AGBL1: variants seen among roughly 807,000 people sequenced by gnomAD.
AGBL1 encodes the protein AGBL carboxypeptidase 1.
A neutral mutation model predicts 118.9 loss-of-function variants in AGBL1; 130 were observed. That is an observed-to-expected ratio of 1.09 (90% CI 0.95 to 1.26). AGBL1 has a LOEUF of 1.26. Among genes scored for constraint, AGBL1 ranks in the 50% most tolerant of loss-of-function variants. The probability of loss-of-function intolerance (pLI) is 0.00; values close to 1 mark genes in which losing one functional copy is unlikely to be tolerated. For synonymous variants in AGBL1, 555 were observed against 478.9 expected, an observed-to-expected ratio of 1.16 and a Z score of -2.08; for missense variants, 1,584 against 1,298.1, an observed-to-expected ratio of 1.22 and a Z score of -3.38.
intron 22 of AGBL1, among the ~76,000 whole-genome samples, chr15:86,860,057 A>C (rs1025875088): frequency 1.3e-5 from 2 of 152,174 alleles, no homozygotes; most frequent in African/African-American, 4.8e-5. Flanking sequence ...TCTTTTTGCT[A>C]TACTTTAATG....
intron 5 of AGBL1, among the ~76,000 whole-genome samples, chr15:86,204,479 C>T (rs913152534): frequency 5.7e-5 from 8 of 139,590 alleles, no homozygotes; most frequent in African/African-American, 8.1e-5. Flanking sequence ...CTTACCTTCC[C>T]TTCCTTTCCC....
intron 23 of AGBL1, among the ~76,000 whole-genome samples, chr15:86,961,525 G>A (rs1227736025): frequency 6.6e-6 from 1 of 152,026 alleles, no homozygotes; most frequent in South Asian, 2.1e-4. Context: ...TACACACAGG[G>A]GAGAGGGTCC....
intron 21 of AGBL1, among the ~76,000 whole-genome samples, chr15:86,651,117 T>C (rs1319091658): frequency 6.6e-6 from 1 of 152,182 alleles, no homozygotes; most frequent in African/African-American, 2.4e-5. Flanking sequence ...TTCTCAAGTT[T>C]TAATCAGCAT....
intron 22 of AGBL1, among the ~76,000 whole-genome samples, chr15:86,726,064 A>G (rs1362996364): frequency 6.6e-6 from 1 of 152,224 alleles, no homozygotes; most frequent in Admixed American, 6.5e-5. Context: ...TCATCTAGCA[A>G]TACTGTCATA....
At chr15:86,224,168 C>T (rs1479730721) in intron 5 of AGBL1, among the ~76,000 whole-genome samples, 1 of 152,114 alleles carries the variant, frequency 6.6e-6, no homozygotes, top group African/African-American at 2.4e-5. Flanking sequence ...CACAACTCTC[C>T]TCCCTATAAT....
chr15:86,258,380 G>A (rs796887241), intron 9 of AGBL1, among the ~76,000 whole-genome samples: 5 of 152,288 alleles, frequency 3.3e-5, no homozygotes, highest in African/African-American at 1.2e-4. Flanking sequence ...TTTCCAGGAA[G>A]CTTTCTGCCT....
intron 21 of AGBL1, among the ~76,000 whole-genome samples, chr15:86,638,608 A>G (rs796118620): frequency 2.2e-4 from 34 of 152,300 alleles, no homozygotes; most frequent in African/African-American, 7.5e-4. Context: ...TGTTCTTCAC[A>G]TGCAGCTTCA....
chr15:86,496,303 C>T (rs1675798174), intron 18 of AGBL1, among the ~76,000 whole-genome samples: 1 of 152,022 alleles, frequency 6.6e-6, no homozygotes, highest in Admixed American at 6.6e-5. Flanking sequence ...TATAAGTTTC[C>T]TGAGGCCTCC....
chr15:86,759,662 A>C (rs1403266388), intron 22 of AGBL1, among the ~76,000 whole-genome samples: 1 of 152,130 alleles, frequency 6.6e-6, no homozygotes, highest in African/African-American at 2.4e-5. Context: ...GATGACATCT[A>C]GACATTCATT....
chr15:86,094,915 C>T lies in AGBL1; in HGVS notation c.51+14892C>T, dbSNP rs1417369639. 2.0e-5 allele frequency among the ~76,000 whole-genome samples: 3 copies of T among 152,156 alleles called. No individual in the cohort carries two copies. The East Asian group carries it at 5.8e-4, about 29-fold the overall frequency. On this transcript the variant is annotated intron_variant, in intron 1 of 22. Transcript: ENST00000614907. ...ATCTCACAAGTTAAGGGCTTAATCC[C>T]ATGAGACTGCTTCTACTTCAGATGC... is the stretch of plus-strand genomic sequence containing the variant.
At chr15:86,092,133 C>T (rs558507617) in intron 1 of AGBL1, among the ~76,000 whole-genome samples, 1 of 152,018 alleles carries the variant, frequency 6.6e-6, no homozygotes, top group Non-Finnish European at 1.5e-5. Flanking sequence ...CTTGTCCTCC[C>T]AGATATGAAG....
At chr15:86,190,053 T>A (rs925216914) in intron 5 of AGBL1, among the ~76,000 whole-genome samples, 3 of 152,178 alleles carry the variant, frequency 2.0e-5, no homozygotes, top group African/African-American at 7.2e-5. Flanking sequence ...ACAGAAAGAT[T>A]ATAATTTTCC....
At chr15:86,408,688 G>C (rs992533073) in intron 18 of AGBL1, among the ~76,000 whole-genome samples, 7 of 152,164 alleles carry the variant, frequency 4.6e-5, no homozygotes, top group Non-Finnish European at 1.0e-4. Context: ...TTGAGTGTTT[G>C]GATGAAAATG....
At chr15:86,724,266 G>C (rs2086785070) in intron 22 of AGBL1, among the ~76,000 whole-genome samples, 1 of 148,704 alleles carries the variant, frequency 6.7e-6, no homozygotes, top group Non-Finnish European at 1.5e-5. Flanking sequence ...AAGGTGTTGA[G>C]TATGACCATG....
intron 13 of AGBL1, 141 bp from the exon 14 acceptor site, chr15:86,269,778 T>C (rs1261781230): frequency 4.2e-6 from 4 of 942,526 alleles, no homozygotes; most frequent in Non-Finnish European, 4.6e-6. Flanking sequence ...GGTATCAGGA[T>C]GATAAGTATA....
chr15:86,853,591 C>T (rs994476410), intron 22 of AGBL1, among the ~76,000 whole-genome samples: 2 of 152,208 alleles, frequency 1.3e-5, no homozygotes, highest in African/African-American at 4.8e-5. Flanking sequence ...CCGGGCTCTA[C>T]TTACTACACT....
chr15:86,163,531 C>G (rs59608099), intron 5 of AGBL1, among the ~76,000 whole-genome samples: 1 of 151,990 alleles, frequency 6.6e-6, no homozygotes, highest in African/African-American at 2.4e-5. Context: ...AGTTTGAGAC[C>G]AGCCTGGCCA....
chr15:86,608,446 T>C (rs1249555246), intron 21 of AGBL1, among the ~76,000 whole-genome samples: 2 of 152,190 alleles, frequency 1.3e-5, no homozygotes, highest in African/African-American at 4.8e-5. Flanking sequence ...CGTTCTTTTT[T>C]CTCTGTTGAT....
chr15:86,563,032 C>T (rs533395821), intron 21 of AGBL1, among the ~76,000 whole-genome samples: 1 of 152,110 alleles, frequency 6.6e-6, no homozygotes, highest in Non-Finnish European at 1.5e-5. Context: ...ATTCTTCTCT[C>T]TTTTTTTCTT....
Sources: allele counts gnomAD v4.1 joint callset (sites outside exome capture counted in the v4.1 genomes callset), GRCh38; gene constraint gnomAD v4.1.1; transcripts MANE v1.5; gene names NCBI Gene and HGNC (gene_info 2026-07-23, HGNC 2026-07-21).